LRMDA: variants seen among roughly 807,000 people sequenced by gnomAD.
LRMDA encodes leucine rich melanocyte differentiation associated, also known as leucine-rich melanocyte differentiation-associated protein.
Under a neutral mutation model 29.8 loss-of-function variants are expected in LRMDA, and 18 were observed. That is an observed-to-expected ratio of 0.60 (90% confidence interval 0.42 to 0.90). The LOEUF (loss-of-function observed/expected upper bound fraction) is 0.90. Ranked by LOEUF, LRMDA falls within the 40% of genes least tolerant of loss-of-function variation. The probability of loss-of-function intolerance (pLI) is 0.00; values close to 1 mark genes in which losing one functional copy is unlikely to be tolerated. For synonymous variants in LRMDA, 125 were observed against 109.4 expected (o/e 1.14, Z -0.89); for missense variants, 273 against 273.9 (o/e 1.00, Z 0.02).
intron 6 of LRMDA, among the ~76,000 whole-genome samples, chr10:76,490,319 T>C (rs1325164057): frequency 1.3e-5 from 2 of 151,828 alleles, no homozygotes; most frequent in Non-Finnish European, 1.5e-5. Context: ...TATAGTCCAG[T>C]GTTTCTTTGT....
At position 75,680,157 on chromosome 10, in the gene LRMDA, T is replaced by G. The variant is rs115764886; in HGVS notation, c.131+241663T>G. 9.7e-3 allele frequency among the ~76,000 whole-genome samples: 1,472 copies of G among 152,352 alleles called. 23 individuals are homozygous for G. The highest frequency in any genetic ancestry group is 0.034 in the African/African-American group (1,397 of 41,580). On this transcript the variant is annotated intron_variant, in intron 2 of 6. Coordinates refer to ENST00000611255, the MANE Select transcript of LRMDA (RefSeq NM_001305581.2). Reference sequence around the variant, plus strand: ...TCTGACAGGAGAGACAAAGTTCAATTCCTTTAGTGCTGTAACAAGATCCCC... The same window carrying G: ...TCTGACAGGAGAGACAAAGTTCAATGCCTTTAGTGCTGTAACAAGATCCCC...
chr10:75,927,259 CT>C (rs1402546382), intron 2 of LRMDA, among the ~76,000 whole-genome samples: 3 of 152,152 alleles, frequency 2.0e-5, no homozygotes, highest in Non-Finnish European at 4.4e-5. Context: ...TCCATTGGTC[CT>C]TTTCCTAACT....
chr10:75,565,256 T>G (rs1840355224), intron 2 of LRMDA, among the ~76,000 whole-genome samples: 1 of 152,198 alleles, frequency 6.6e-6, no homozygotes, highest in Non-Finnish European at 1.5e-5. Flanking sequence ...TGTGTCAAGA[T>G]TCCATGAAAG....
At chr10:75,683,061 T>C (rs1388448459) in intron 2 of LRMDA, among the ~76,000 whole-genome samples, 6 of 152,244 alleles carry the variant, frequency 3.9e-5, no homozygotes, top group African/African-American at 1.4e-4. Context: ...TTGGCCGCGA[T>C]GTACATTTCC....
intron 5 of LRMDA, among the ~76,000 whole-genome samples, chr10:76,099,650 T>A (rs1849366595): frequency 6.6e-6 from 1 of 152,194 alleles, no homozygotes; most frequent in South Asian, 2.1e-4. Context: ...ACCTGTGTTC[T>A]TTAGACTTTA....
intron 2 of LRMDA, among the ~76,000 whole-genome samples, chr10:75,738,892 G>A (rs1036018498): frequency 6.6e-6 from 1 of 152,204 alleles, no homozygotes; most frequent in African/African-American, 2.4e-5. Context: ...GGGCCAGAGT[G>A]AGTCAAACGC....
At chr10:75,894,660 T>C (rs994216374) in intron 2 of LRMDA, among the ~76,000 whole-genome samples, 1 of 152,140 alleles carries the variant, frequency 6.6e-6, no homozygotes, top group African/African-American at 2.4e-5. Context: ...GAGATGGGCA[T>C]TGTAGCCTGG....
intron 2 of LRMDA, among the ~76,000 whole-genome samples, chr10:75,949,704 C>G (rs769789670): frequency 6.6e-6 from 1 of 152,132 alleles, no homozygotes; most frequent in Non-Finnish European, 1.5e-5. Flanking sequence ...GATGATCTAC[C>G]TCAGTGGCAC....
intron 5 of LRMDA, among the ~76,000 whole-genome samples, chr10:76,238,119 C>T (rs1312247573): frequency 6.6e-6 from 1 of 152,046 alleles, no homozygotes; most frequent in East Asian, 1.9e-4. Flanking sequence ...TGTGTCTCCT[C>T]TACGCGAGGT....
chr10:76,448,369 T>C (rs1377934213), intron 6 of LRMDA, among the ~76,000 whole-genome samples: 1 of 152,122 alleles, frequency 6.6e-6, no homozygotes, highest in East Asian at 1.9e-4. Context: ...TTTTAATATC[T>C]CTCTTAGCAT....
intron 6 of LRMDA, among the ~76,000 whole-genome samples, chr10:76,539,999 C>T (rs1053331717): frequency 2.0e-5 from 3 of 152,092 alleles, no homozygotes; most frequent in African/African-American, 2.4e-5. Context: ...CACACACACA[C>T]ACACACATTC....
intron 2 of LRMDA, among the ~76,000 whole-genome samples, chr10:75,771,946 C>T (rs1314311267): frequency 6.6e-6 from 1 of 151,758 alleles, no homozygotes; most frequent in Non-Finnish European, 1.5e-5. Flanking sequence ...GCAATTAGTA[C>T]TGGAAAAGAT....
intron 2 of LRMDA, among the ~76,000 whole-genome samples, chr10:76,007,914 G>A (rs1847701280): frequency 6.6e-6 from 1 of 152,146 alleles, no homozygotes. Context: ...TCGATTTTGG[G>A]TCATTAACCC....
intron 6 of LRMDA, among the ~76,000 whole-genome samples, chr10:76,341,585 G>A (rs1368746017): frequency 2.0e-5 from 3 of 152,134 alleles, no homozygotes; most frequent in African/African-American, 7.2e-5. Context: ...ATTATATTCA[G>A]ATTCTGTGGG....
At chr10:76,386,922 A>G (rs1395559717) in intron 6 of LRMDA, among the ~76,000 whole-genome samples, 1 of 152,130 alleles carries the variant, frequency 6.6e-6, no homozygotes, top group East Asian at 1.9e-4. Flanking sequence ...ACAAAACTAG[A>G]AATGCAAGTA....
intron 5 of LRMDA, among the ~76,000 whole-genome samples, chr10:76,196,888 T>A (rs1003538812): frequency 6.6e-6 from 1 of 152,252 alleles, no homozygotes; most frequent in African/African-American, 2.4e-5. Flanking sequence ...CATCTTGCGT[T>A]GTCTTCTGGT....
At chr10:76,328,264 G>A (rs556558284) in intron 6 of LRMDA, among the ~76,000 whole-genome samples, 87 of 152,306 alleles carry the variant, frequency 5.7e-4, no homozygotes, top group Admixed American at 3.9e-3. Context: ...ACGAGTACAG[G>A]ACATGCCCCA....
chr10:75,768,353 T>C (rs532324736), intron 2 of LRMDA, among the ~76,000 whole-genome samples: 44 of 152,228 alleles, frequency 2.9e-4, no homozygotes, highest in Non-Finnish European at 5.9e-4. Flanking sequence ...GCATTATCTA[T>C]TTTATTCCCA....
rs1035116453 is a variant in LRMDA, at chr10:76,514,935, G to A, written c.602-42274G>A. ...CTACCTCTACCTGCACAAGAACGAA[G>A]AAAGTTCTTGCCTATAAAACTGCTA... is the stretch of plus-strand genomic sequence containing the variant. On this transcript the variant is annotated intron_variant, in intron 6 of 6. Transcript: ENST00000611255. 3.9e-5 allele frequency among the ~76,000 whole-genome samples: 6 copies of A among 152,248 alleles called. No individual in the cohort carries two copies. The East Asian group carries it at 5.8e-4, about 15-fold the overall frequency.
Sources: allele counts gnomAD v4.1 joint callset (sites outside exome capture counted in the v4.1 genomes callset), GRCh38; gene constraint gnomAD v4.1.1; transcripts MANE v1.5; gene names NCBI Gene and HGNC (gene_info 2026-07-23, HGNC 2026-07-21).